Variants in AHR observed in about 807,000 individuals in gnomAD.
AHR encodes aryl hydrocarbon receptor.
A neutral mutation model predicts 86.8 loss-of-function variants in AHR; 40 were observed. The observed-to-expected ratio is 0.46, with a 90% CI of 0.36 to 0.60. The LOEUF (loss-of-function observed/expected upper bound fraction) is 0.60, where lower values mean the gene tolerates loss of function less well. AHR is among the 20% of genes least tolerant of loss of function. The pLI is 0.00. For synonymous variants in AHR, 398 were observed against 354.9 expected (o/e 1.12, Z -1.37); for missense variants, 1,001 against 1,011.6 (o/e 0.99, Z 0.14).
rs1290700752 is a variant in AHR at position 17,343,957 on chromosome 7, AAC to A, written c.*895_*896del. 4 of 152,794 alleles carry A rather than the reference AAC, an allele frequency of 2.6e-5. No homozygotes were observed. The highest frequency in any genetic ancestry group is 9.6e-5 in the African/African-American group (4 of 41,564). 9.5% of individuals were successfully genotyped at this position (152,794 alleles called of 1,614,324 possible). A position where few individuals can be genotyped will look rare whatever the true frequency, so the allele number is the denominator to read the frequency against. ...TAAGACAATAGCACTTAAATTCCTC[AAC>A]AGTGTTTTCAGAAGAAATAAATATA... On this transcript the variant is annotated 3_prime_UTR_variant, in exon 11 of 11. Coordinates refer to ENST00000242057, the MANE Select transcript of AHR (RefSeq NM_001621.5).
rs778166955 is a variant in AHR, at chr7:17,340,106, C to G, written c.2281C>G (p.Pro761Ala). ...GLNPQSAIIT[P>A]QTCYAGAVSM... Reference sequence around the variant, plus strand: ...AAATCCACAGTCAGCCATAATAACTCCTCAGACATGTTATGCTGGGGCCGT... The same window carrying G: ...AAATCCACAGTCAGCCATAATAACTGCTCAGACATGTTATGCTGGGGCCGT... The change falls in exon 10 of 11, where the codon CCT becomes GCT. Residue 761 changes from proline (P) to alanine (A), a missense_variant. This residue lies in a region of AHR where 607 missense variants were observed against 543.1 expected (regional missense o/e 1.12). Transcript: ENST00000242057. 6.2e-7 allele frequency: 1 copy of G among 1,614,188 alleles called. No individual in the cohort carries two copies. Among genetic ancestry groups the G allele is most frequent in the Non-Finnish European group, 8.5e-7 (1 of 1,180,024 alleles).
In AHR at chr7:17,298,813, C is replaced by A; in HGVS notation, c.-452C>A. On this transcript the variant is annotated 5_prime_UTR_variant, in exon 1 of 11. Transcript: ENST00000242057. Reference sequence around the variant, plus strand: ...GGGAAGCACCCTGGATTTAGGAAGTCCCGGGAGCAGCGCGGCGGCACCTCC... The same window carrying A: ...GGGAAGCACCCTGGATTTAGGAAGTACCGGGAGCAGCGCGGCGGCACCTCC... 2.5e-6 allele frequency: 1 copy of A among 398,482 alleles called. No homozygotes were observed. The highest frequency in any genetic ancestry group is 2.1e-5 in the African/African-American group (1 of 48,698). 24.7% of individuals were successfully genotyped at this position (398,482 alleles called of 1,614,324 possible).
At chr7:17,331,330 G>A (rs1782286590) in intron 6 of AHR, among the ~76,000 whole-genome samples, 1 of 151,814 alleles carries the variant, frequency 6.6e-6, no homozygotes, top group Non-Finnish European at 1.5e-5. Context: ...ATTTTCTTTG[G>A]TTATCTTTGA....
At chr7:17,328,108 G>C (rs1241942004) in intron 4 of AHR, among the ~76,000 whole-genome samples, 1 of 151,874 alleles carries the variant, frequency 6.6e-6, no homozygotes, top group Admixed American at 6.6e-5. Context: ...CAGGCACGTA[G>C]GGTCTAGGGG....
At chr7:17,312,445 G>T (rs549946248) in intron 2 of AHR, among the ~76,000 whole-genome samples, 48 of 152,242 alleles carry the variant, frequency 3.2e-4, no homozygotes, top group African/African-American at 1.2e-3. Flanking sequence ...AAATGTGTGT[G>T]AAACACACAT....
At chr7:17,323,559 G>A (rs1001750483) in intron 3 of AHR, among the ~76,000 whole-genome samples, 1 of 152,036 alleles carries the variant, frequency 6.6e-6, no homozygotes, top group African/African-American at 2.4e-5. Context: ...TGTGTGCCAT[G>A]TGTGCTGTCA....
At chr7:17,320,340 G>C (rs1782155966) in intron 2 of AHR, among the ~76,000 whole-genome samples, 2 of 151,938 alleles carry the variant, frequency 1.3e-5, no homozygotes, top group South Asian at 4.1e-4. Context: ...AAGATGAATG[G>C]TCTCTTTCAT....
chr7:17,338,949 G>T (rs1263985676), intron 9 of AHR, 37 bp from the exon 10 acceptor site: 5 of 1,500,994 alleles, frequency 3.3e-6, no homozygotes, highest in Non-Finnish European at 3.6e-6. Context: ...ATGTTTGATA[G>T]AATTTTTTTC....
At chr7:17,314,141 C>T (rs943869866) in intron 2 of AHR, among the ~76,000 whole-genome samples, 1 of 152,108 alleles carries the variant, frequency 6.6e-6, no homozygotes, top group Non-Finnish European at 1.5e-5. Flanking sequence ...TGTTTACATA[C>T]AAACACCTAA....
intron 1 of AHR, among the ~76,000 whole-genome samples, chr7:17,299,754 G>C (rs1483135641): frequency 6.6e-6 from 1 of 152,220 alleles, no homozygotes; most frequent in Admixed American, 6.5e-5. Context: ...GTAGAGTTTG[G>C]TAAGGCGAGA....
Position 17,339,792 on chromosome 7 carries a change from C to G in AHR, c.1967C>G (p.Ser656Cys), listed in dbSNP as rs1199321600. ...QVNGMFENWN[S>C]NQFVPFNCPQ... is the part of the protein sequence containing the mutation. ...AATGGCATGTTTGAAAATTGGAACT[C>G]TAACCAATTCGTGCCTTTCAATTGT... The change falls in exon 10 of 11, where the codon TCT becomes TGT. Residue 656 changes from serine (S) to cysteine (C), a missense_variant. Physicochemically the swap from Ser to Cys is moderately radical, Grantham distance 112 (BLOSUM62 -1). Around this residue, in one of 2 missense-constraint regions of AHR, gnomAD observed 607 missense variants for 543.1 expected, o/e 1.12. Coordinates refer to ENST00000242057, the MANE Select transcript of AHR (RefSeq NM_001621.5). The G allele has an allele frequency of 6.2e-6, 10 of 1,614,188 alleles. No homozygotes were observed. The Admixed American group carries it at 1.7e-4, about 27-fold the overall frequency.
At chr7:17,341,921 G>A (rs1782430512) in intron 10 of AHR, among the ~76,000 whole-genome samples, 1 of 152,036 alleles carries the variant, frequency 6.6e-6, no homozygotes, top group Non-Finnish European at 1.5e-5. Flanking sequence ...TATGAGTAAT[G>A]AGAAAAAATC....
intron 1 of AHR, among the ~76,000 whole-genome samples, chr7:17,301,085 A>G: frequency 6.6e-6 from 1 of 151,906 alleles, no homozygotes; most frequent in South Asian, 2.1e-4. Context: ...AATTTCTTAT[A>G]ATATAACAAA....
At position 17,324,578 on chromosome 7, in the gene AHR, A is replaced by C. The variant is rs563278542; in HGVS notation, c.360+1971A>C. 2.0e-5 allele frequency among the ~76,000 whole-genome samples: 3 copies of C among 152,314 alleles called. No homozygotes were observed. The East Asian group carries it at 5.8e-4, about 29-fold the overall frequency. On this transcript the variant is annotated intron_variant, in intron 3 of 10. Transcript: ENST00000242057. ...AGCACTTTGGGAGGCCAAGGCGGGCAGATCACGAGGTCAGGAGTTCAAGAC... is the reference window on the plus strand; with the variant it reads ...AGCACTTTGGGAGGCCAAGGCGGGCCGATCACGAGGTCAGGAGTTCAAGAC...
intron 6 of AHR, among the ~76,000 whole-genome samples, chr7:17,332,201 A>G (rs924663379): frequency 2.6e-5 from 4 of 152,016 alleles, no homozygotes; most frequent in Admixed American, 6.6e-5. Context: ...TATAGCACAT[A>G]CAATTATATA....
At chr7:17,302,380 C>G (rs1221241111) in intron 1 of AHR, among the ~76,000 whole-genome samples, 1 of 151,838 alleles carries the variant, frequency 6.6e-6, no homozygotes, top group Non-Finnish European at 1.5e-5. Flanking sequence ...TCTTGCTATT[C>G]TTTTTAAATG....
intron 1 of AHR, among the ~76,000 whole-genome samples, chr7:17,303,256 A>T (rs1427289068): frequency 6.6e-6 from 1 of 152,066 alleles, no homozygotes; most frequent in East Asian, 1.9e-4. Flanking sequence ...ATAGATAGGG[A>T]ACTGAGATTC....
At chr7:17,303,882 A>C (rs1031729157) in intron 1 of AHR, among the ~76,000 whole-genome samples, 1 of 152,056 alleles carries the variant, frequency 6.6e-6, no homozygotes, top group African/African-American at 2.4e-5. Context: ...CAATCTGGGG[A>C]TGTGACTATA....
intron 2 of AHR, among the ~76,000 whole-genome samples, chr7:17,319,435 C>G (rs527978462): frequency 4.6e-5 from 7 of 152,222 alleles, no homozygotes; most frequent in African/African-American, 1.7e-4. Context: ...TTTGTCTAAG[C>G]TCTGCCACTT....
Sources: gnomAD v4.1 joint callset for allele counts (sites outside exome capture counted in the v4.1 genomes callset) on GRCh38, gnomAD v4.1.1 for gene constraint, gnomAD v4.1.1 regional missense constraint, MANE v1.5 for transcripts, NCBI Gene and HGNC (gene_info 2026-07-23, HGNC 2026-07-21) for gene names.